The following CDAN1 variants were observed in gnomAD, a reference collection of about 807,000 sequenced individuals.
The protein encoded by CDAN1 is codanin 1.
In CDAN1, 107 loss-of-function variants were observed where a neutral mutation model predicts 139.8. That is an observed-to-expected ratio of 0.77 (90% CI 0.65 to 0.90). The LOEUF (loss-of-function observed/expected upper bound fraction) is 0.90, where lower values mean the gene tolerates loss of function less well. Among genes scored for constraint, CDAN1 ranks in the 40% least tolerant of loss-of-function variants. The pLI is 0.00. For synonymous variants in CDAN1, 776 were observed against 660.6 expected (o/e 1.17, Z -2.68); for missense variants, 1,667 against 1,575.7 (o/e 1.06, Z -0.98).
chr15:42,736,581 C>G lies in CDAN1; in HGVS notation c.290G>C (p.Arg97Pro). Reference sequence around the variant, plus strand: ...CTCGGTCGGAGGGAAAAGCTGGCTGCGCGCCCCGCGGCTACCCCGCGGCGG... The same window carrying G: ...CTCGGTCGGAGGGAAAAGCTGGCTGGGCGCCCCGCGGCTACCCCGCGGCGG... Reference protein sequence around the residue: ...GGPPRGSRGARSQLFPPTEAQ... With the variant: ...GGPPRGSRGAPSQLFPPTEAQ... Residue 97 changes from arginine to proline, a missense_variant, in exon 2 of 28, where the codon CGC becomes CCC. Coordinates refer to ENST00000356231, the MANE Select transcript of CDAN1 (RefSeq NM_138477.4). 6.7e-7 allele frequency: 1 copy of G among 1,491,080 alleles called. No individual in the cohort carries two copies. The highest frequency in any genetic ancestry group is 1.3e-5 in the South Asian group (1 of 79,278). The allele number at this position is 1,491,080 out of a possible 1,614,324, so 92.4% of individuals were successfully genotyped here.
chr15:42,725,242 G>A lies in CDAN1; in HGVS notation c.3460C>T (p.Leu1154=), dbSNP rs375976648. 5.6e-6 allele frequency: 9 copies of A among 1,613,978 alleles called. No individual in the cohort carries two copies. In the East Asian group the frequency reaches 6.7e-5, roughly 12 times the overall value. Residue 1154 remains leucine (L), a synonymous_variant, in exon 27 of 28, where the codon CTG becomes TTG. Coordinates refer to ENST00000356231, the MANE Select transcript of CDAN1 (RefSeq NM_138477.4). ...ACCAGCTCCCGTAGCAAGAATAGCA[G>A]CAAGTCCCACTGCAAAACACACCGA... ...ADTRPREWDL[L]LFLLRELVEK...
At position 42,727,938 on chromosome 15, in the gene CDAN1, C is replaced by T; in HGVS notation, c.2947+17G>A. 1 of 1,612,790 alleles carries T rather than the reference C, an allele frequency of 6.2e-7. No individual in the cohort carries two copies. The highest frequency in any genetic ancestry group is 8.5e-7 in the Non-Finnish European group (1 of 1,178,748). The stretch of plus-strand genomic sequence containing the variant: ...TTTAAACACTTGATTCAGCCACTCC[C>T]CCATCCAGGACCTTACCTGTGATGT... On this transcript the variant is annotated intron_variant, in intron 22 of 27. Coordinates refer to ENST00000356231, the MANE Select transcript of CDAN1 (RefSeq NM_138477.4).
At position 42,734,029 on chromosome 15, in the gene CDAN1, G is replaced by C. The variant is rs763912281; in HGVS notation, c.1276C>G (p.Pro426Ala). Residue 426 changes from proline (P) to alanine (A), a missense_variant, in exon 8 of 28, where the codon CCC becomes GCC. Pro to Ala is a conservative substitution (Grantham distance 27, BLOSUM62 -1). This residue lies in a region of CDAN1 where 244 missense variants were observed against 309.4 expected (regional missense o/e 0.79). Transcript: ENST00000356231. ...SVAKVSLVMP[P>A]STQAVSFQPE... Reference sequence around the variant, plus strand: ...TGAAAGGAGACAGCTTGAGTAGAGGGAGGCATCACCAGAGAGACCTAAAAT... The same window carrying C: ...TGAAAGGAGACAGCTTGAGTAGAGGCAGGCATCACCAGAGAGACCTAAAAT... The C allele has an allele frequency of 4.3e-6, 7 of 1,614,000 alleles. No homozygotes were observed. The highest frequency in any genetic ancestry group is 5.9e-6 in the Non-Finnish European group (7 of 1,179,830).
At chr15:42,725,719 G>A (rs772166929) in intron 25 of CDAN1, 49 bp from the exon 26 acceptor site, 2 of 1,592,224 alleles carry the variant, frequency 1.3e-6, no homozygotes, top group Admixed American at 3.4e-5. Flanking sequence ...CAGGCCGGGT[G>A]CGGTGACTCA....
intron 27 of CDAN1, 167 bp downstream of exon 27, chr15:42,724,975 AAC>A (rs1385884814): frequency 1.4e-6 from 1 of 699,762 alleles, no homozygotes; most frequent in African/African-American, 1.8e-5. Flanking sequence ...TCTTCCCACT[AAC>A]ACAGTCCCTC....
At chr15:42,729,389 G>A (rs2061578754) in intron 17 of CDAN1, 27 bp from the exon 18 acceptor site, 1 of 1,613,802 alleles carries the variant, frequency 6.2e-7, no homozygotes, top group African/African-American at 1.3e-5. Context: ...CAAGTTCTCA[G>A]TTCCAGAACC....
At chr15:42,725,344 A>G (rs1181810240) in intron 26 of CDAN1, 93 bp from the exon 27 acceptor site, 2 of 1,469,150 alleles carry the variant, frequency 1.4e-6, no homozygotes, top group Non-Finnish European at 1.9e-6. Flanking sequence ...GCTGCTGGGA[A>G]GAGACTTGAG....
chr15:42,733,677 C>CA (rs1198627768), intron 8 of CDAN1, among the ~76,000 whole-genome samples: 1 of 152,060 alleles, frequency 6.6e-6, no homozygotes, highest in Non-Finnish European at 1.5e-5. Flanking sequence ...TGGGCAGTGA[C>CA]AGTTCATCCT....
chr15:42,729,315 G>A lies in CDAN1; in HGVS notation c.2455C>T (p.Arg819Trp). The change falls in exon 18 of 28, where the codon CGG becomes TGG. Residue 819 changes from arginine to tryptophan, a missense_variant. By Grantham distance (101) the Arg-to-Trp change is moderately radical. Coordinates refer to ENST00000356231, the MANE Select transcript of CDAN1 (RefSeq NM_138477.4). ...ATTTTCCTCATGAAGCCCCCACTCC[G>A]TCCACTACTGCCTGACACCCACGAA... ...LASWVSGSSGRSGGFMRKITP... is the reference protein window; with the variant it reads ...LASWVSGSSGWSGGFMRKITP... 4.3e-6 allele frequency: 7 copies of A among 1,614,000 alleles called. No homozygotes were observed. The highest frequency in any genetic ancestry group is 1.3e-5 in the African/African-American group (1 of 74,990).
Position 42,737,119 on chromosome 15 carries a change from TGGGGC to T in CDAN1, c.-22_-18del. The T allele has an allele frequency of 7.2e-7, 1 of 1,387,968 alleles. No individual in the cohort carries two copies. Among genetic ancestry groups the T allele is most frequent in the Non-Finnish European group, 9.4e-7 (1 of 1,058,562 alleles). 86.0% of individuals were successfully genotyped at this position (1,387,968 alleles called of 1,614,324 possible). ...GGCCGCCATCCCGGTCGGGGCGCTC[TGGGGC>T]GACTGCGCAGGCGCCGGCGCGCCGC... On this transcript the variant is annotated 5_prime_UTR_variant, in exon 1 of 28. Coordinates refer to ENST00000356231, the MANE Select transcript of CDAN1 (RefSeq NM_138477.4).
chr15:42,725,795 C>A, intron 25 of CDAN1, 125 bp from the exon 26 acceptor site: 1 of 977,356 alleles, frequency 1.0e-6, no homozygotes, highest in Non-Finnish European at 1.5e-6. Flanking sequence ...CCAGTCTGGC[C>A]AACATAGTGA....
At chr15:42,729,994 G>T in intron 15 of CDAN1, 109 bp from the exon 16 acceptor site, 1 of 1,106,394 alleles carries the variant, frequency 9.0e-7, no homozygotes. Context: ...AGCCACCTCT[G>T]AGATGATGGG....
At position 42,729,281 on chromosome 15, in the gene CDAN1, G is replaced by C. The variant is rs1341257941; in HGVS notation, c.2489C>G (p.Thr830Ser). ...CTGGGCTCCCAGGCTGGTGGTAGTGGTGGGGGTGATTTTCCTCATGAAGCC... is the reference window on the plus strand; with the variant it reads ...CTGGGCTCCCAGGCTGGTGGTAGTGCTGGGGGTGATTTTCCTCATGAAGCC... ...SGGFMRKITP[T>S]TTTSLGAQPS... Residue 830 changes from threonine (T) to serine (S), a missense_variant, in exon 18 of 28, where the codon ACC becomes AGC. Coordinates refer to ENST00000356231, the MANE Select transcript of CDAN1 (RefSeq NM_138477.4). 3 of 1,613,968 alleles carry C rather than the reference G, an allele frequency of 1.9e-6. No individual in the cohort carries two copies. Among genetic ancestry groups the C allele is most frequent in the Admixed American group, 3.3e-5 (2 of 60,024 alleles).
rs374333633 is a variant in CDAN1, at chr15:42,734,065, C to A, written c.1258-18G>T. On this transcript the variant is annotated intron_variant, in intron 7 of 27. Transcript: ENST00000356231. ...AGAGAGACCTAAAATACAGCAGGAA[C>A]GTTAGGAACTGCAGGGTCATGCTGA... 5 of 1,600,762 alleles carry A rather than the reference C, an allele frequency of 3.1e-6. No homozygotes were observed. In the Admixed American group the frequency reaches 6.7e-5, roughly 21 times the overall value.
At chr15:42,734,754 A>G (rs2061664413) in intron 6 of CDAN1, among the ~76,000 whole-genome samples, 1 of 147,512 alleles carries the variant, frequency 6.8e-6, no homozygotes, top group Admixed American at 6.7e-5. Flanking sequence ...AGCTGGGATT[A>G]TAGGCGCACT....
intron 12 of CDAN1, 52 bp from the exon 13 acceptor site, chr15:42,731,123 A>G (rs761876344): frequency 1.9e-6 from 3 of 1,614,114 alleles, no homozygotes; most frequent in Non-Finnish European, 2.5e-6. Flanking sequence ...TTCCAGAACA[A>G]TTCCCGATCT....
At chr15:42,726,747 C>T (rs186320573) in intron 23 of CDAN1, 16 of 391,894 alleles carry the variant, frequency 4.1e-5, no homozygotes, top group African/African-American at 1.2e-4. Context: ...GTAAGGAAAC[C>T]GGCCTATCAG....
rs758888123 is a variant in CDAN1, at chr15:42,726,332, C to T, written c.3182G>A (p.Gly1061Asp). The T allele has an allele frequency of 2.7e-5, 43 of 1,590,778 alleles. No individual in the cohort carries two copies. Among genetic ancestry groups the T allele is most frequent in the South Asian group, 1.1e-4 (10 of 87,834 alleles). The part of the protein sequence containing the change: ...EHLEQLLGQL[G>D]QTLRCRQFLC... ...CACCTGGCGGCACCGCAGCGTCTGGCCCAGCTGGCCTAGGAGCTGTTCCAG... is the reference window on the plus strand; with the variant it reads ...CACCTGGCGGCACCGCAGCGTCTGGTCCAGCTGGCCTAGGAGCTGTTCCAG... The change falls in exon 24 of 28, where the codon GGC becomes GAC. Residue 1061 changes from glycine (G) to aspartate (D), a missense_variant. Coordinates refer to ENST00000356231, the MANE Select transcript of CDAN1 (RefSeq NM_138477.4).
intron 24 of CDAN1, 29 bp downstream of exon 24, chr15:42,726,281 G>A (rs1566979189): frequency 1.9e-6 from 3 of 1,588,274 alleles, no homozygotes; most frequent in East Asian, 4.5e-5. Context: ...ACAGAAAAAA[G>A]CCCCCCGGTG....
Sources: gnomAD v4.1 joint callset for allele counts (sites outside exome capture counted in the v4.1 genomes callset) on GRCh38, gnomAD v4.1.1 for gene constraint, gnomAD v4.1.1 regional missense constraint, MANE v1.5 for transcripts, NCBI Gene and HGNC (gene_info 2026-07-23, HGNC 2026-07-21) for gene names.